ABCB5: variants seen among roughly 807,000 people sequenced by gnomAD.
The protein encoded by ABCB5 is ATP-binding cassette sub-family B member 5.
Under a neutral mutation model 144.2 loss-of-function variants are expected in ABCB5, and 155 were observed. The ratio of observed to expected loss-of-function variants is 1.08; its 90% CI spans 0.94 to 1.23. The LOEUF (loss-of-function observed/expected upper bound fraction) is 1.23, where lower values mean the gene tolerates loss of function less well. Ranked by LOEUF, ABCB5 falls within the 50% of genes most tolerant of loss-of-function variation. ABCB5 has a pLI of 0.00. For synonymous variants in ABCB5, 610 were observed against 528.6 expected (o/e 1.15, Z -2.11); for missense variants, 1,830 against 1,520.8 (o/e 1.20, Z -3.38).
At chr7:20,636,170 T>A (rs1242918090) in intron 5 of ABCB5, among the ~76,000 whole-genome samples, 2 of 152,162 alleles carry the variant, frequency 1.3e-5, no homozygotes, top group Non-Finnish European at 2.9e-5. Context: ...TAATTTTACA[T>A]AAAATTTATT....
intron 14 of ABCB5, among the ~76,000 whole-genome samples, chr7:20,665,866 T>TA (rs5882752): frequency 4.8e-5 from 7 of 145,328 alleles, no homozygotes; most frequent in African/African-American, 1.3e-4. Flanking sequence ...ATTTTGCAGT[T>TA]AAAAAAAAAA....
At chr7:20,730,562 C>G (rs1262964539) in intron 23 of ABCB5, among the ~76,000 whole-genome samples, 2 of 152,206 alleles carry the variant, frequency 1.3e-5, no homozygotes, top group Non-Finnish European at 2.9e-5. Context: ...GTCCTATGTT[C>G]TCCTAGCCTC....
At chr7:20,667,754 G>A (rs939651730) in intron 14 of ABCB5, among the ~76,000 whole-genome samples, 1 of 110,782 alleles carries the variant, frequency 9.0e-6, no homozygotes, top group Non-Finnish European at 1.9e-5. Context: ...CCTCTGCCTC[G>A]TCTCCCTCTG....
intron 26 of ABCB5, among the ~76,000 whole-genome samples, chr7:20,747,015 A>G (rs994824758): frequency 3.9e-5 from 6 of 152,190 alleles, no homozygotes; most frequent in African/African-American, 1.4e-4. Flanking sequence ...GCTCTTCTCC[A>G]TACTACATAG....
Position 20,685,720 on chromosome 7 carries a change from A to G in ABCB5, c.1894A>G (p.Met632Val). 1 of 1,611,368 alleles carries G rather than the reference A, an allele frequency of 6.2e-7. No homozygotes were observed. The highest frequency in any genetic ancestry group is 8.5e-7 in the Non-Finnish European group (1 of 1,178,392). Residue 632 changes from methionine to valine, a missense_variant, in exon 16 of 28, where the codon ATG becomes GTG. Met to Val is a conservative substitution (Grantham distance 21). Transcript: ENST00000404938. Reference protein sequence around the residue: ...SQDIKKADEQMESMTYSTERK... With the variant: ...SQDIKKADEQVESMTYSTERK... ...GGATATTAAAAAAGCTGATGAACAG[A>G]TGGAGTCAATGACATATTCTACTGA...
intron 14 of ABCB5, chr7:20,658,996 C>A: frequency 6.5e-7 from 1 of 1,544,200 alleles, no homozygotes. Flanking sequence ...ACTATTATAA[C>A]CATGCCCACC....
chr7:20,680,432 G>T (rs944513334), intron 14 of ABCB5, among the ~76,000 whole-genome samples: 2 of 152,104 alleles, frequency 1.3e-5, no homozygotes, highest in African/African-American at 2.4e-5. Context: ...AAATAGCCGG[G>T]CGTGGTGGTG....
At chr7:20,681,471 T>C in intron 14 of ABCB5, 34 bp from the exon 15 acceptor site, 1 of 1,608,320 alleles carries the variant, frequency 6.2e-7, no homozygotes, top group Non-Finnish European at 8.5e-7. Context: ...TTTCTACTAA[T>C]GTCTATTTAT....
At chr7:20,724,711 T>C (rs144029104) in intron 21 of ABCB5, among the ~76,000 whole-genome samples, 1 of 151,248 alleles carries the variant, frequency 6.6e-6, no homozygotes, top group African/African-American at 2.4e-5. Context: ...ATCCTCTGAA[T>C]AGCAAAATGA....
At chr7:20,629,030 T>C (rs951316997) in intron 4 of ABCB5, among the ~76,000 whole-genome samples, 192 bp downstream of exon 4, 2 of 151,716 alleles carry the variant, frequency 1.3e-5, no homozygotes, top group Admixed American at 1.3e-4. Flanking sequence ...AGGTCTATAA[T>C]TGAATTAAAA....
intron 14 of ABCB5, among the ~76,000 whole-genome samples, chr7:20,664,664 G>GA (rs1367234430): frequency 2.6e-5 from 4 of 152,114 alleles, no homozygotes; most frequent in Admixed American, 6.5e-5. Flanking sequence ...TGCCCTTATG[G>GA]AAAAAAATAA....
intron 14 of ABCB5, chr7:20,660,299 T>C (rs6967746): frequency 3.8e-4 from 376 of 984,800 alleles, no homozygotes; most frequent in Non-Finnish European, 4.2e-4. Flanking sequence ...CTATGTGGCA[T>C]AATTATGGGG....
rs1032610668 is a variant in ABCB5, at chr7:20,756,389, T to C, written c.*765T>C. Reference sequence around the variant, plus strand: ...CGGGTGCGGTGGCTCACGCCTGTAATCCCAGAACTTTGGGAGGCCGAGGAG... The same window carrying C: ...CGGGTGCGGTGGCTCACGCCTGTAACCCCAGAACTTTGGGAGGCCGAGGAG... On this transcript the variant is annotated 3_prime_UTR_variant, in exon 28 of 28. Coordinates refer to ENST00000404938, the MANE Select transcript of ABCB5 (RefSeq NM_001163941.2). The C allele has an allele frequency of 3.9e-5, 6 of 152,440 alleles. No homozygotes were observed. Among genetic ancestry groups the C allele is most frequent in the African/African-American group, 1.4e-4 (6 of 41,444 alleles). The allele number at this position is 152,440 out of a possible 1,614,324, so 9.4% of individuals were successfully genotyped here. A position where few individuals can be genotyped will look rare whatever the true frequency, so the allele number is the denominator to read the frequency against.
At chr7:20,684,858 C>T (rs1785943685) in intron 15 of ABCB5, among the ~76,000 whole-genome samples, 1 of 152,172 alleles carries the variant, frequency 6.6e-6, no homozygotes, top group Admixed American at 6.5e-5. Flanking sequence ...AATCGACCTA[C>T]ATTTTCCATC....
intron 16 of ABCB5, among the ~76,000 whole-genome samples, chr7:20,686,880 C>T (rs941632389): frequency 5.3e-5 from 8 of 152,154 alleles, no homozygotes; most frequent in Non-Finnish European, 4.4e-5. Context: ...CCTGAAGCCC[C>T]TGGATTATCT....
At chr7:20,645,551 T>C (rs1013286590) in intron 7 of ABCB5, among the ~76,000 whole-genome samples, 1 of 152,242 alleles carries the variant, frequency 6.6e-6, no homozygotes, top group Admixed American at 6.5e-5. Context: ...CAGGTAAACC[T>C]GTCTAGTCAC....
chr7:20,733,404 C>T (rs1468035158), intron 23 of ABCB5, among the ~76,000 whole-genome samples: 3 of 151,978 alleles, frequency 2.0e-5, no homozygotes, highest in Non-Finnish European at 2.9e-5. Context: ...AATTTCTTCC[C>T]TGAGCTGGCC....
intron 16 of ABCB5, among the ~76,000 whole-genome samples, chr7:20,692,396 C>A (rs1786259165): frequency 6.6e-6 from 1 of 151,306 alleles, no homozygotes; most frequent in African/African-American, 2.4e-5. Flanking sequence ...AGAAAAATGC[C>A]CAATAAAAAG....
At chr7:20,643,143 ATGT>A (rs1437266946) in intron 5 of ABCB5, 38 bp from the exon 6 acceptor site, 5 of 1,513,606 alleles carry the variant, frequency 3.3e-6, no homozygotes, top group Non-Finnish European at 3.6e-6. Flanking sequence ...CAAGATAAAA[ATGT>A]TGTGCTTCAG....
Sources: allele counts gnomAD v4.1 joint callset (sites outside exome capture counted in the v4.1 genomes callset), GRCh38; gene constraint gnomAD v4.1.1; transcripts MANE v1.5; gene names NCBI Gene and HGNC (gene_info 2026-07-23, HGNC 2026-07-21).